Variants in TRHDE observed in about 807,000 individuals in gnomAD.
The protein encoded by TRHDE is thyrotropin releasing hormone degrading enzyme, also known as thyrotropin-releasing hormone-degrading ectoenzyme.
Under a neutral mutation model 125.7 loss-of-function variants are expected in TRHDE, and 72 were observed. That is an observed-to-expected ratio of 0.57 (90% CI 0.47 to 0.70). The LOEUF (loss-of-function observed/expected upper bound fraction) is 0.70, where lower values mean the gene tolerates loss of function less well. TRHDE is among the 30% of genes least tolerant of loss of function. The probability of loss-of-function intolerance (pLI) is 0.00; values close to 1 mark genes in which losing one functional copy is unlikely to be tolerated. For synonymous variants in TRHDE, 509 were observed against 509.1 expected (o/e 1.00, Z 0.00); for missense variants, 1,110 against 1,327.1 (o/e 0.84, Z 2.54).
chr12:72,316,575 G>A (rs541648282), intron 2 of TRHDE, among the ~76,000 whole-genome samples: 1 of 152,094 alleles, frequency 6.6e-6, no homozygotes, highest in Non-Finnish European at 1.5e-5. Context: ...GGAAAGTGCT[G>A]TCCTGCCTTT....
At chr12:72,287,753 A>G (rs554378037) in intron 2 of TRHDE, among the ~76,000 whole-genome samples, 31 of 152,126 alleles carry the variant, frequency 2.0e-4, no homozygotes, top group Non-Finnish European at 3.2e-4. Context: ...ATAAAAATCT[A>G]TTGGATTCTC....
intron 2 of TRHDE, among the ~76,000 whole-genome samples, chr12:72,214,249 G>A (rs925025474): frequency 3.9e-5 from 6 of 152,068 alleles, no homozygotes; most frequent in East Asian, 1.9e-4. Flanking sequence ...GCAACACTTC[G>A]TAGAATGTAA....
At chr12:72,538,827 T>C (rs1440381411) in intron 6 of TRHDE, among the ~76,000 whole-genome samples, 1 of 152,004 alleles carries the variant, frequency 6.6e-6, no homozygotes, top group Non-Finnish European at 1.5e-5. Flanking sequence ...TTGTTTCTGG[T>C]TACTTTACTT....
intron 2 of TRHDE, among the ~76,000 whole-genome samples, chr12:72,154,799 C>T (rs1592461779): frequency 6.6e-6 from 1 of 152,160 alleles, no homozygotes; most frequent in Non-Finnish European, 1.5e-5. Flanking sequence ...GTGGGTAACC[C>T]AGCCTTTCTC....
intron 2 of TRHDE, among the ~76,000 whole-genome samples, chr12:72,204,529 C>T (rs1003723648): frequency 6.6e-6 from 1 of 152,122 alleles, no homozygotes; most frequent in African/African-American, 2.4e-5. Context: ...TAGTCAAATT[C>T]TTTCCTGAGG....
intron 12 of TRHDE, among the ~76,000 whole-genome samples, chr12:72,592,432 A>G (rs1257792752): frequency 6.6e-6 from 1 of 152,156 alleles, no homozygotes; most frequent in Non-Finnish European, 1.5e-5. Flanking sequence ...TAGTTCCAAC[A>G]TCTGGTTTAT....
At chr12:72,588,889 A>C (rs989855473) in intron 12 of TRHDE, among the ~76,000 whole-genome samples, 9 of 152,162 alleles carry the variant, frequency 5.9e-5, no homozygotes, top group African/African-American at 2.2e-4. Flanking sequence ...GGAAGCAAAC[A>C]TGTCCTTCTT....
chr12:72,091,666 C>G (rs2139282644), intron 1 of TRHDE, among the ~76,000 whole-genome samples: 1 of 152,192 alleles, frequency 6.6e-6, no homozygotes, highest in Middle Eastern at 3.4e-3. Context: ...CCACTGGGGG[C>G]TATATAAGTA....
chr12:72,364,108 A>G (rs1468811679), intron 2 of TRHDE, among the ~76,000 whole-genome samples: 1 of 152,132 alleles, frequency 6.6e-6, no homozygotes, highest in East Asian at 1.9e-4. Context: ...ACCACTGCTC[A>G]ATGAAATAAA....
intron 2 of TRHDE, among the ~76,000 whole-genome samples, chr12:72,266,686 G>A (rs1170214606): frequency 2.6e-5 from 4 of 151,870 alleles, no homozygotes; most frequent in Non-Finnish European, 5.9e-5. Context: ...TATGTAGCAA[G>A]TATTCATTAT....
Position 72,124,877 on chromosome 12 carries a change from A to G in TRHDE, n.279+19125A>G, listed in dbSNP as rs766950320. ...ATAACAAGATGCTGTCTCTAAAAAA[A>G]GAGAAATCATTGAATTGTCCATTGT... On this transcript the variant is annotated intron_variant and non_coding_transcript_variant, in intron 2 of 4. Transcript: ENST00000548156. Among the ~76,000 whole-genome samples, 20 of 152,312 alleles carry G rather than the reference A, an allele frequency of 1.3e-4. No individual in the cohort carries two copies. In the East Asian group the frequency reaches 3.7e-3, roughly 28 times the overall value.
chr12:72,366,455 T>A (rs532396135), intron 2 of TRHDE, among the ~76,000 whole-genome samples: 1 of 152,252 alleles, frequency 6.6e-6, no homozygotes, highest in African/African-American at 2.4e-5. Flanking sequence ...GTAATCAATC[T>A]ATTATAGCAG....
intron 2 of TRHDE, among the ~76,000 whole-genome samples, chr12:72,305,415 A>T (rs528143847): frequency 6.6e-6 from 1 of 152,312 alleles, no homozygotes; most frequent in South Asian, 2.1e-4. Flanking sequence ...TGCTCATGGT[A>T]TGACTTCTGC....
intron 3 of TRHDE, among the ~76,000 whole-genome samples, chr12:72,381,612 G>A (rs1872186045): frequency 6.6e-6 from 1 of 152,126 alleles, no homozygotes; most frequent in African/African-American, 2.4e-5. Context: ...TAGCCGGGAT[G>A]GTCTCGATCT....
intron 12 of TRHDE, among the ~76,000 whole-genome samples, chr12:72,600,905 T>C (rs1332116737): frequency 6.6e-6 from 1 of 152,052 alleles, no homozygotes; most frequent in Non-Finnish European, 1.5e-5. Context: ...TACCAGGAGA[T>C]TAATGTTGTT....
chr12:72,277,549 C>G (rs1228547667), intron 1 of TRHDE, among the ~76,000 whole-genome samples: 1 of 152,110 alleles, frequency 6.6e-6, no homozygotes, highest in Non-Finnish European at 1.5e-5. Flanking sequence ...AAACTTTTTT[C>G]TGTGATTCCT....
chr12:72,637,639 G>T (rs458942), intron 15 of TRHDE, among the ~76,000 whole-genome samples: 80,507 of 151,626 alleles, frequency 0.53, 25,492 homozygotes, highest in Non-Finnish European at 0.7. Flanking sequence ...TTGTGGGCAT[G>T]TAGTGCTATA....
In TRHDE at chr12:72,468,441, C is replaced by T. The variant is rs149399987; in HGVS notation, c.1316-1317C>T. On this transcript the variant is annotated intron_variant, in intron 3 of 18. Transcript: ENST00000261180. ...CTCTTTTCACCTGTACAAACAATAC[C>T]ATAGCGAACATTCTTGTACAATTTT... is the stretch of plus-strand genomic sequence containing the variant. Among the ~76,000 whole-genome samples, 16 of 152,278 alleles carry T rather than the reference C, an allele frequency of 1.1e-4. No homozygotes were observed. The East Asian group carries it at 2.3e-3, about 22-fold the overall frequency.
intron 2 of TRHDE, among the ~76,000 whole-genome samples, chr12:72,216,506 G>C (rs1406579509): frequency 6.6e-6 from 1 of 152,108 alleles, no homozygotes; most frequent in African/African-American, 2.4e-5. Context: ...TCTGAGAGGA[G>C]GGAATATGGT....
Sources: gnomAD v4.1 joint callset for allele counts (sites outside exome capture counted in the v4.1 genomes callset) on GRCh38, gnomAD v4.1.1 for gene constraint, MANE v1.5 for transcripts, NCBI Gene and HGNC (gene_info 2026-07-23, HGNC 2026-07-21) for gene names.